The following RASGRF1 variants were observed in gnomAD, a reference collection of about 807,000 sequenced individuals.
RASGRF1 encodes the protein ras-specific guanine nucleotide-releasing factor 1.
A neutral mutation model predicts 138.7 loss-of-function variants in RASGRF1; 40 were observed. The observed-to-expected ratio is 0.29, with a 90% CI of 0.22 to 0.38. The LOEUF is 0.38. Among genes scored for constraint, RASGRF1 ranks in the 10% least tolerant of loss-of-function variants. The probability of loss-of-function intolerance (pLI) is 1.00; values close to 1 mark genes in which losing one functional copy is unlikely to be tolerated. For synonymous variants in RASGRF1, 614 were observed against 663.2 expected (o/e 0.93, Z 1.14); for missense variants, 1,108 against 1,650.4 (o/e 0.67, Z 5.69).
intron 13 of RASGRF1, among the ~76,000 whole-genome samples, chr15:79,014,923 ACAAAAAACAAAAAAC>A (rs769383033): frequency 0.012 from 1,154 of 94,528 alleles, 6 homozygotes; most frequent in South Asian, 0.023. Context: ...TCTCAAAAAA[ACAAAAAACAAAAAAC>A]AAAAAACAAA....
At chr15:79,054,328 C>T (rs1260903893) in intron 3 of RASGRF1, among the ~76,000 whole-genome samples, 3 of 152,112 alleles carry the variant, frequency 2.0e-5, no homozygotes, top group African/African-American at 7.2e-5. Context: ...GAGGTGTTTT[C>T]TATTCATTTT....
At chr15:78,994,668 T>C (rs553668728) in intron 20 of RASGRF1, among the ~76,000 whole-genome samples, 2 of 152,296 alleles carry the variant, frequency 1.3e-5, no homozygotes, top group East Asian at 3.9e-4. Context: ...CACAAGACCA[T>C]CATTCCCTTA....
intron 1 of RASGRF1, among the ~76,000 whole-genome samples, chr15:79,069,974 T>C (rs2057733096): frequency 6.6e-6 from 1 of 152,096 alleles, no homozygotes; most frequent in Non-Finnish European, 1.5e-5. Flanking sequence ...CAAATGGAAG[T>C]TTCCCTGCCA....
rs777766417 is a variant in RASGRF1, at chr15:78,990,263, C to T, written c.3142G>A (p.Gly1048Arg). 2.5e-6 allele frequency: 4 copies of T among 1,606,526 alleles called. No homozygotes were observed. The highest frequency in any genetic ancestry group is 2.2e-5 in the East Asian group (1 of 44,852). Reference sequence around the variant, plus strand: ...TTTTCCAGTTTCATCCATCCTTGTCCGAAGAACTCCCTGTAGGAAGTAAGG... The same window carrying T: ...TTTTCCAGTTTCATCCATCCTTGTCTGAAGAACTCCCTGTAGGAAGTAAGG... ...FKKIPYEEFF[G>R]QGWMKLEKNE... The change falls in exon 22 of 27, where the codon GGA becomes AGA. Residue 1048 changes from glycine (G) to arginine (R), a missense_variant. By Grantham distance (125) the Gly-to-Arg change is moderately radical. Around this residue, in one of 3 missense-constraint regions of RASGRF1, gnomAD observed 686 missense variants for 976.7 expected, o/e 0.70. Transcript: ENST00000558480.
chr15:79,011,625 A>G (rs1409766415), intron 13 of RASGRF1, among the ~76,000 whole-genome samples: 2 of 152,138 alleles, frequency 1.3e-5, no homozygotes, highest in Non-Finnish European at 2.9e-5. Context: ...TCGTCCCTAT[A>G]CCAGAGAGAG....
At chr15:79,003,570 G>A (rs58051566) in intron 15 of RASGRF1, among the ~76,000 whole-genome samples, 4,728 of 152,344 alleles carry the variant, frequency 0.031, 270 homozygotes, top group African/African-American at 0.1. Context: ...GTGTGGCGAT[G>A]CCCTGGGAAT....
chr15:79,026,730 T>A (rs1008868523), intron 9 of RASGRF1, among the ~76,000 whole-genome samples: 2 of 151,860 alleles, frequency 1.3e-5, no homozygotes, highest in Middle Eastern at 3.4e-3. Context: ...CCAGGAGGGG[T>A]CATTTCTTGG....
At chr15:78,976,468 C>T (rs2055872950) in intron 24 of RASGRF1, among the ~76,000 whole-genome samples, 1 of 152,178 alleles carries the variant, frequency 6.6e-6, no homozygotes, top group African/African-American at 2.4e-5. Flanking sequence ...TAAAACCATC[C>T]TGGGCCATAT....
At chr15:78,981,847 T>C (rs964368784) in intron 23 of RASGRF1, among the ~76,000 whole-genome samples, 4 of 152,204 alleles carry the variant, frequency 2.6e-5, no homozygotes, top group African/African-American at 9.6e-5. Flanking sequence ...CTGCTTTCAC[T>C]TGAGATGTCT....
chr15:79,059,222 TC>T (rs1567594399), intron 2 of RASGRF1, among the ~76,000 whole-genome samples: 1 of 57,698 alleles, frequency 1.7e-5, no homozygotes, highest in Non-Finnish European at 3.2e-5. Flanking sequence ...CCCTTCCCTA[TC>T]CTTCCCTTCC....
At chr15:79,052,172 C>T (rs1427562434) in intron 3 of RASGRF1, among the ~76,000 whole-genome samples, 1 of 152,130 alleles carries the variant, frequency 6.6e-6, no homozygotes, top group Non-Finnish European at 1.5e-5. Flanking sequence ...GCTTTCTTTG[C>T]CCCCTAGAGG....
At chr15:79,011,616 C>A (rs113657171) in intron 13 of RASGRF1, among the ~76,000 whole-genome samples, 4 of 152,274 alleles carry the variant, frequency 2.6e-5, no homozygotes, top group Non-Finnish European at 5.9e-5. Context: ...GCCAGGCACT[C>A]GTCCCTATAC....
At chr15:79,034,680 G>GAA (rs368203951) in intron 6 of RASGRF1, among the ~76,000 whole-genome samples, 13 of 142,658 alleles carry the variant, frequency 9.1e-5, no homozygotes, top group Non-Finnish European at 7.7e-5. Context: ...CTAAGTAAAA[G>GAA]AAAAAAAAAA....
intron 22 of RASGRF1, among the ~76,000 whole-genome samples, chr15:78,986,386 G>A (rs751086175): frequency 2.0e-5 from 3 of 150,742 alleles, no homozygotes; most frequent in Admixed American, 6.6e-5. Flanking sequence ...TTGTTCTGTC[G>A]CCCAGGTTGG....
At chr15:79,083,262 C>T (rs1214003989) in intron 1 of RASGRF1, among the ~76,000 whole-genome samples, 3 of 152,222 alleles carry the variant, frequency 2.0e-5, no homozygotes, top group African/African-American at 7.2e-5. Flanking sequence ...GTGTCCACAC[C>T]TCCCAGCTGC....
At chr15:78,993,066 G>T (rs2056304604) in intron 20 of RASGRF1, among the ~76,000 whole-genome samples, 1 of 144,288 alleles carries the variant, frequency 6.9e-6, no homozygotes, top group Non-Finnish European at 1.5e-5. Flanking sequence ...GTGTGTGGGT[G>T]GTGTGTGTGG....
chr15:79,025,610 TG>T lies in RASGRF1; in HGVS notation c.1382-137del, dbSNP rs2057035830. 2.8e-6 allele frequency: 3 copies of T among 1,079,010 alleles called. No individual in the cohort carries two copies. In the East Asian group the frequency reaches 7.7e-5, roughly 28 times the overall value. 66.8% of individuals were successfully genotyped at this position (1,079,010 alleles called of 1,614,324 possible). A position where few individuals can be genotyped will look rare whatever the true frequency, so the allele number is the denominator to read the frequency against. On this transcript the variant is annotated intron_variant, in intron 9 of 26. Coordinates refer to ENST00000558480, the MANE Select transcript of RASGRF1 (RefSeq NM_001145648.3). ...TGTTTCCCAGTAGCAAATGTGCCCC[TG>T]GGATACTCCTTTAGGCCTCTCTGCA...
At chr15:79,069,463 A>G (rs2057725801) in intron 1 of RASGRF1, among the ~76,000 whole-genome samples, 1 of 152,198 alleles carries the variant, frequency 6.6e-6, no homozygotes, top group African/African-American at 2.4e-5. Flanking sequence ...GTCCCAATGT[A>G]GACTCACCCC....
At chr15:79,084,670 G>A (rs2057956366) in intron 1 of RASGRF1, among the ~76,000 whole-genome samples, 1 of 152,212 alleles carries the variant, frequency 6.6e-6, no homozygotes, top group South Asian at 2.1e-4. Context: ...ACTAGAGGGT[G>A]GGGGCATTAA....
Sources: allele counts gnomAD v4.1 joint callset (sites outside exome capture counted in the v4.1 genomes callset), GRCh38; gene constraint gnomAD v4.1.1; regional missense constraint gnomAD v4.1.1; transcripts MANE v1.5; gene names NCBI Gene and HGNC (gene_info 2026-07-23, HGNC 2026-07-21).